The following KCTD19 variants were observed in gnomAD, a reference collection of about 807,000 sequenced individuals.
The protein encoded by KCTD19 is BTB/POZ domain-containing protein KCTD19.
In KCTD19, 67 loss-of-function variants were observed where a neutral mutation model predicts 103.5. That is an observed-to-expected ratio of 0.65 (90% confidence interval 0.53 to 0.79). The LOEUF is 0.79. Among genes scored for constraint, KCTD19 ranks in the 30% least tolerant of loss-of-function variants. The pLI is 0.00. For synonymous variants in KCTD19, 439 were observed against 452.2 expected, an observed-to-expected ratio of 0.97 and a Z score of 0.37; for missense variants, 980 against 1,136.1, an observed-to-expected ratio of 0.86 and a Z score of 1.98.
intron 2 of KCTD19, among the ~76,000 whole-genome samples, chr16:67,315,722 G>A (rs1307535460): frequency 5.3e-5 from 8 of 151,716 alleles, no homozygotes; most frequent in East Asian, 1.9e-4. Context: ...CCTCGTGATC[G>A]CCTGCCTCGG....
At chr16:67,302,132 C>G (rs2036840983) in intron 4 of KCTD19, 1 of 474,064 alleles carries the variant, frequency 2.1e-6, no homozygotes. Flanking sequence ...GTGTCTGAGG[C>G]CGTGGGTGTG....
intron 12 of KCTD19, among the ~76,000 whole-genome samples, 172 bp from the exon 13 acceptor site, chr16:67,292,009 G>T (rs2036702808): frequency 6.6e-6 from 1 of 152,170 alleles, no homozygotes; most frequent in Admixed American, 6.5e-5. Context: ...GAGTAGCTGG[G>T]ATTACAGGCA....
chr16:67,290,911 G>C lies in KCTD19; in HGVS notation c.2641C>G (p.Gln881Glu), dbSNP rs1258928634. The change falls in exon 15 of 16, where the codon CAG (glutamine) becomes GAG (glutamate). Residue 881 changes from glutamine (Q) to glutamate (E), a missense_variant. Coordinates refer to ENST00000304372, the MANE Select transcript of KCTD19 (RefSeq NM_001100915.3). ...TCCACCCAGCTGTACAGGCGCTCCT[G>C]GGTGTGCCGGTCATCCTTGAAGCCG... is the stretch of plus-strand genomic sequence containing the variant. ...ITGFKDDRHT[Q>E]ERLYSWVELT... 6.2e-7 allele frequency: 1 copy of C among 1,613,928 alleles called. No individual in the cohort carries two copies. The highest frequency in any genetic ancestry group is 8.5e-7 in the Non-Finnish European group (1 of 1,179,980).
chr16:67,301,970 T>C (rs1221571397), intron 4 of KCTD19, 48 bp from the exon 5 acceptor site: 1 of 1,603,646 alleles, frequency 6.2e-7, no homozygotes, highest in Non-Finnish European at 8.5e-7. Flanking sequence ...CTATTTCTGG[T>C]TTAGCTGTAG....
rs568937866 is a variant in KCTD19, at chr16:67,299,495, G to A, written c.854C>T (p.Pro285Leu). 9.3e-6 allele frequency: 15 copies of A among 1,613,214 alleles called. No homozygotes were observed. Among genetic ancestry groups the A allele is most frequent in the East Asian group, 2.2e-5 (1 of 44,822 alleles). Residue 285 changes from proline to leucine, a missense_variant, in exon 6 of 16, where the codon CCG (proline) becomes CTG (leucine). Transcript: ENST00000304372. ...CAGACCCAGGGCCATTGTGTAGAGC[G>A]GTTTCACGGACTCCAGGCTGGCTGT... ...ARTASLESVK[P>L]LYTMALGLLV... is the part of the protein sequence containing the mutation.
intron 15 of KCTD19, among the ~76,000 whole-genome samples, chr16:67,290,384 T>C (rs1475984884): frequency 6.6e-6 from 1 of 152,108 alleles, no homozygotes; most frequent in East Asian, 1.9e-4. Context: ...TTCACTGTGT[T>C]AGCCAGGATG....
In KCTD19 at chr16:67,293,677, C is replaced by T; in HGVS notation, c.2085G>A (p.Lys695=). Residue 695 remains lysine, a synonymous_variant, in exon 12 of 16, where the codon AAG becomes AAA. Coordinates refer to ENST00000304372, the MANE Select transcript of KCTD19 (RefSeq NM_001100915.3). The surrounding 1 kb of genome is among the most constrained non-coding windows in gnomAD (Gnocchi z 4.0). The part of the protein sequence containing the change: ...AWKAHSTASE[K]DPGPQAGAGA... ...CAGCCCCTGCCTGTGGTCCTGGATC[C>T]TTCTCTGAGGCTGTGGAATGGGCTT... The T allele has an allele frequency of 6.2e-7, 1 of 1,614,090 alleles. No individual in the cohort carries two copies. The highest frequency in any genetic ancestry group is 8.5e-7 in the Non-Finnish European group (1 of 1,180,024).
chr16:67,297,235 A>C (rs1476798642), intron 7 of KCTD19, among the ~76,000 whole-genome samples: 4 of 152,194 alleles, frequency 2.6e-5, no homozygotes, highest in Non-Finnish European at 4.4e-5. Context: ...GTCAGCTCCC[A>C]GGGTCAAGGC....
In KCTD19 at chr16:67,297,537, C is replaced by T. The variant is rs1378099586; in HGVS notation, c.1113G>A (p.Leu371=). The T allele has an allele frequency of 6.2e-7, 1 of 1,614,126 alleles. No homozygotes were observed. The highest frequency in any genetic ancestry group is 2.2e-5 in the East Asian group (1 of 44,884). ...EPIKVALKTH[L]EPRTLAPMDV... is the part of the protein sequence containing the mutation. ...CCATGGGTGCCAAAGTCCTTGGCTC[C>T]AGATGAGTCTTCAAAGCAACTTTGA... Residue 371 remains leucine, a synonymous_variant, in exon 7 of 16, where the codon CTG becomes CTA. Transcript: ENST00000304372.
At chr16:67,307,591 C>T (rs1009987685) in intron 2 of KCTD19, among the ~76,000 whole-genome samples, 1 of 152,132 alleles carries the variant, frequency 6.6e-6, no homozygotes, top group Non-Finnish European at 1.5e-5. Flanking sequence ...ACTGGGATTG[C>T]AGGCATGAGC....
At chr16:67,318,073 AACACC>A (rs2037031343) in intron 2 of KCTD19, among the ~76,000 whole-genome samples, 1 of 152,246 alleles carries the variant, frequency 6.6e-6, no homozygotes, top group Admixed American at 6.5e-5. Context: ...TCAAGAAATA[AACACC>A]ATTTCACTTG....
chr16:67,289,504 TG>T lies in KCTD19; in HGVS notation c.*64del. On this transcript the variant is annotated 3_prime_UTR_variant, in exon 16 of 16. Transcript: ENST00000304372. ...TACCCTCTGATGGGCACATGCATTCTGGGCTATCTCCAATTAAAATGAGACT... is the reference window on the plus strand; with the variant it reads ...TACCCTCTGATGGGCACATGCATTCTGGCTATCTCCAATTAAAATGAGACT... 1 of 927,206 alleles carries T rather than the reference TG, an allele frequency of 1.1e-6. No individual in the cohort carries two copies. The highest frequency in any genetic ancestry group is 1.8e-6 in the Non-Finnish European group (1 of 560,922). The allele number at this position is 927,206 out of a possible 1,614,324, so 57.4% of individuals were successfully genotyped here. A position where few individuals can be genotyped will look rare whatever the true frequency, so the allele number is the denominator to read the frequency against.
chr16:67,320,656 GAGA>G lies in KCTD19; in HGVS notation c.230_232del (p.Phe77del), dbSNP rs780751493. 1.4e-4 allele frequency: 219 copies of G among 1,614,234 alleles called. No individual in the cohort carries two copies. In the African/African-American group the frequency reaches 2.3e-3, roughly 17 times the overall value. On this transcript the variant is annotated inframe_deletion, in exon 2 of 16. Coordinates refer to ENST00000304372, the MANE Select transcript of KCTD19 (RefSeq NM_001100915.3). This position sits in a 1 kb window ranked among gnomAD's most constrained non-coding sequence, Gnocchi z 4.0. ...CAGCAAGTTCAGTTCTGCACAACTG[GAGA>G]AGGAGAGTTTGGAGGTGTAGAGGTA...
At chr16:67,314,830 T>TATATATAGAG (rs1430877802) in intron 2 of KCTD19, among the ~76,000 whole-genome samples, 4 of 33,652 alleles carry the variant, frequency 1.2e-4, no homozygotes, top group African/African-American at 8.5e-4. Flanking sequence ...TATATATATA[T>TATATATAGAG]AGAGAGAGAG....
rs539254007 is a variant in KCTD19 at position 67,297,370 on chromosome 16, A to G, written c.1147+133T>C. The stretch of plus-strand genomic sequence containing the variant: ...ATATGAAAGTTTCCCTTTTGTAAAA[A>G]TCCAAAATATTGGCCTGGCTTTCCC... On this transcript the variant is annotated intron_variant, in intron 7 of 15. Coordinates refer to ENST00000304372, the MANE Select transcript of KCTD19 (RefSeq NM_001100915.3). The G allele has an allele frequency of 4.9e-5, 45 of 923,192 alleles. No homozygotes were observed. The African/African-American group carries it at 5.2e-4, about 11-fold the overall frequency. 57.2% of individuals were successfully genotyped at this position (923,192 alleles called of 1,614,324 possible).
At position 67,299,584 on chromosome 16, in the gene KCTD19, G is replaced by C; in HGVS notation, c.776-11C>G. On this transcript the variant is annotated splice_polypyrimidine_tract_variant and intron_variant, in intron 5 of 15. Coordinates refer to ENST00000304372, the MANE Select transcript of KCTD19 (RefSeq NM_001100915.3). ...TCGGGGAACAGCCACCTGTGTCAGA[G>C]AGAAAGGGGTGACTCCTAGGCCCCC... 2 of 1,607,054 alleles carry C rather than the reference G, an allele frequency of 1.2e-6. No homozygotes were observed. The highest frequency in any genetic ancestry group is 2.7e-5 in the African/African-American group (2 of 75,006).
chr16:67,290,092 A>C (rs997336572), intron 15 of KCTD19, among the ~76,000 whole-genome samples: 1 of 151,998 alleles, frequency 6.6e-6, no homozygotes, highest in Non-Finnish European at 1.5e-5. Flanking sequence ...CCTCAATGTT[A>C]AAATTAGATT....
rs577387692 is a variant in KCTD19, at chr16:67,297,743, A to G, written c.987-80T>C. The G allele has an allele frequency of 1.6e-5, 23 of 1,408,716 alleles. 1 individual carries two copies. In the East Asian group the frequency reaches 4.9e-4, roughly 30 times the overall value. 87.3% of individuals were successfully genotyped at this position (1,408,716 alleles called of 1,614,324 possible). A position where few individuals can be genotyped will look rare whatever the true frequency, so the allele number is the denominator to read the frequency against. On this transcript the variant is annotated intron_variant, in intron 6 of 15. Transcript: ENST00000304372. ...TCGAGCCTGTAAACTTTCCATGCCTAGGATGCCTTGCCGCAACACTGGCTT... is the reference window on the plus strand; with the variant it reads ...TCGAGCCTGTAAACTTTCCATGCCTGGGATGCCTTGCCGCAACACTGGCTT...
chr16:67,297,267 C>T (rs1323885439), intron 7 of KCTD19, among the ~76,000 whole-genome samples: 2 of 152,152 alleles, frequency 1.3e-5, no homozygotes, highest in Non-Finnish European at 2.9e-5. Flanking sequence ...GGGGGTCCTG[C>T]GTGGCCCCAG....
Sources: gnomAD v4.1 joint callset for allele counts (sites outside exome capture counted in the v4.1 genomes callset) on GRCh38, gnomAD v4.1.1 for gene constraint, Gnocchi (gnomAD v3.1) non-coding constraint, MANE v1.5 for transcripts, NCBI Gene and HGNC (gene_info 2026-07-23, HGNC 2026-07-21) for gene names.